The following TNFRSF9 variants were observed in gnomAD, a reference collection of about 807,000 sequenced individuals.
TNFRSF9 encodes TNF receptor superfamily member 9.
TNFRSF9 carries 16 observed loss-of-function variants against 28.8 expected under a neutral mutation model. The observed-to-expected ratio is 0.55, with a 90% CI of 0.38 to 0.84. The LOEUF is 0.84. TNFRSF9 is among the 40% of genes least tolerant of loss of function. The pLI is 0.00. For synonymous variants in TNFRSF9, 131 were observed against 117.0 expected, an observed-to-expected ratio of 1.12 and a Z score of -0.77; for missense variants, 303 against 315.0, an observed-to-expected ratio of 0.96 and a Z score of 0.29.
In TNFRSF9 at chr1:7,916,310, G is replaced by A. The variant is rs906474651; in HGVS notation, c.*4525C>T. On this transcript the variant is annotated 3_prime_UTR_variant, in exon 8 of 8. Transcript: ENST00000377507. Reference sequence around the variant, plus strand: ...ACCCAGAAGGGGATCATTTTATTCTGTCTCAATGTTCCTTCCTTATTAATT... The same window carrying A: ...ACCCAGAAGGGGATCATTTTATTCTATCTCAATGTTCCTTCCTTATTAATT... 3.9e-5 allele frequency: 6 copies of A among 152,158 alleles called. No homozygotes were observed. The highest frequency in any genetic ancestry group is 8.8e-5 in the Non-Finnish European group (6 of 68,026). 9.4% of individuals were successfully genotyped at this position (152,158 alleles called of 1,614,324 possible).
chr1:7,937,091 C>T (rs1225706797), intron 5 of TNFRSF9, among the ~76,000 whole-genome samples: 1 of 152,200 alleles, frequency 6.6e-6, no homozygotes, highest in Non-Finnish European at 1.5e-5. Context: ...TGGAGACAGG[C>T]TGATCAATGA....
intron 7 of TNFRSF9, among the ~76,000 whole-genome samples, chr1:7,929,158 C>CTTTTTTT (rs1557427289): frequency 1.8e-5 from 1 of 56,334 alleles, no homozygotes; most frequent in African/African-American, 1.4e-4. Context: ...TTTCTTTTTC[C>CTTTTTTT]TTTTTTTTTT....
chr1:7,933,078 G>T, intron 7 of TNFRSF9, 84 bp downstream of exon 7: 2 of 1,495,092 alleles, frequency 1.3e-6, no homozygotes, highest in East Asian at 2.4e-5. Flanking sequence ...CTCATTTCTA[G>T]AATTTTTTTT....
At chr1:7,937,078 A>G (rs1182526717) in intron 5 of TNFRSF9, among the ~76,000 whole-genome samples, 1 of 152,248 alleles carries the variant, frequency 6.6e-6, no homozygotes. Context: ...GGCATTGAAC[A>G]CATGGAGACA....
intron 7 of TNFRSF9, among the ~76,000 whole-genome samples, chr1:7,924,139 C>G (rs2151412484): frequency 6.6e-6 from 1 of 151,960 alleles, no homozygotes; most frequent in South Asian, 2.1e-4. Flanking sequence ...TGTGGTGATA[C>G]TGATGTAAAA....
chr1:7,923,843 T>TA (rs1469410210), intron 7 of TNFRSF9, among the ~76,000 whole-genome samples: 1 of 152,084 alleles, frequency 6.6e-6, no homozygotes, highest in Non-Finnish European at 1.5e-5. Flanking sequence ...CCCTGACTTC[T>TA]AAAAAATTTT....
chr1:7,935,261 G>A (rs1400889061), intron 5 of TNFRSF9, 118 bp from the exon 6 acceptor site: 1 of 1,158,304 alleles, frequency 8.6e-7, no homozygotes, highest in Non-Finnish European at 1.2e-6. Context: ...ATATGGGTCT[G>A]GGTTCGAAAG....
rs1258895223 is a variant in TNFRSF9, at chr1:7,924,311, AT to A, written c.680-3389del. On this transcript the variant is annotated intron_variant, in intron 7 of 7. Coordinates refer to ENST00000377507, the MANE Select transcript of TNFRSF9 (RefSeq NM_001561.6). ...GTATATTCCATATATATATATATAT[AT>A]ATATATATATATATATATATATAAC... Among the ~76,000 whole-genome samples the A allele has an allele frequency of 1.5e-4, 16 of 106,522 alleles. 1 individual carries two copies. The East Asian group carries it at 2.6e-3, about 17-fold the overall frequency. 69.9% of individuals were successfully genotyped at this position (106,522 alleles called of 152,430 possible).
rs1460401830 is a variant in TNFRSF9 at position 7,937,542 on chromosome 1, C to A, written c.413+148G>T. The A allele has an allele frequency of 5.1e-6, 3 of 589,208 alleles. No homozygotes were observed. The African/African-American group carries it at 5.6e-5, about 11-fold the overall frequency. The allele number at this position is 589,208 out of a possible 1,614,324, so 36.5% of individuals were successfully genotyped here. The stretch of plus-strand genomic sequence containing the variant: ...CACTTTGCCTATTGAGTTGCTACGA[C>A]CTCACAGTGTTCCCACGCTGCCTAT... On this transcript the variant is annotated intron_variant, in intron 5 of 7. Coordinates refer to ENST00000377507, the MANE Select transcript of TNFRSF9 (RefSeq NM_001561.6).
At chr1:7,937,244 G>A (rs1381476073) in intron 5 of TNFRSF9, among the ~76,000 whole-genome samples, 1 of 152,156 alleles carries the variant, frequency 6.6e-6, no homozygotes, top group East Asian at 1.9e-4. Context: ...GCTCATTGCA[G>A]CCTCAACCTC....
At chr1:7,936,031 G>T (rs1159610574) in intron 5 of TNFRSF9, among the ~76,000 whole-genome samples, 1 of 151,966 alleles carries the variant, frequency 6.6e-6, no homozygotes, top group East Asian at 1.9e-4. Context: ...CCCCAAATCC[G>T]CCCGTCCTCC....
chr1:7,922,033 C>T (rs888286104), intron 7 of TNFRSF9: 1 of 152,156 alleles, frequency 6.6e-6, no homozygotes, highest in African/African-American at 2.4e-5. Context: ...TGTTAGGAAC[C>T]AAGAACCGAT....
rs1491412920 is a variant in TNFRSF9, at chr1:7,917,954, GGA to G, written c.*2879_*2880del. On this transcript the variant is annotated 3_prime_UTR_variant, in exon 8 of 8. Transcript: ENST00000377507. Reference sequence around the variant, plus strand: ...TAAAAAGGGAAAAATAAATTACAAAGGATATATATATATATATATATAGATAT... The same window carrying G: ...TAAAAAGGGAAAAATAAATTACAAAGTATATATATATATATATATAGATAT... The G allele has an allele frequency of 1.7e-5, 2 of 118,682 alleles. No individual in the cohort carries two copies. The highest frequency in any genetic ancestry group is 7.9e-5 in the African/African-American group (2 of 25,390). The allele number at this position is 118,682 out of a possible 1,614,324, so 7.4% of individuals were successfully genotyped here.
intron 7 of TNFRSF9, among the ~76,000 whole-genome samples, chr1:7,931,759 A>T (rs964927718): frequency 5.3e-5 from 8 of 152,262 alleles, no homozygotes; most frequent in Non-Finnish European, 1.0e-4. Flanking sequence ...TAAACTTTAC[A>T]TTTATGCATT....
chr1:7,920,603 G>A lies in TNFRSF9; in HGVS notation c.*232C>T. 2.2e-6 allele frequency: 1 copy of A among 445,206 alleles called. No homozygotes were observed. The highest frequency in any genetic ancestry group is 4.1e-6 in the Non-Finnish European group (1 of 246,082). The allele number at this position is 445,206 out of a possible 1,614,324, so 27.6% of individuals were successfully genotyped here. A position where few individuals can be genotyped will look rare whatever the true frequency, so the allele number is the denominator to read the frequency against. ...GAGGTCAAGGCTGCAGAGAGCCATG[G>A]TGGTGCCACTGCACTCCAGCCTGGG... On this transcript the variant is annotated 3_prime_UTR_variant, in exon 8 of 8. Coordinates refer to ENST00000377507, the MANE Select transcript of TNFRSF9 (RefSeq NM_001561.6).
In TNFRSF9 at chr1:7,918,450, C is replaced by G. The variant is rs1373313386; in HGVS notation, c.*2385G>C. On this transcript the variant is annotated 3_prime_UTR_variant, in exon 8 of 8. Transcript: ENST00000377507. ...CTGAAGTGTAGTGATGCGGTCCCAGCTCACTGCAACCTCTGCCTCCCAGGC... is the reference window on the plus strand; with the variant it reads ...CTGAAGTGTAGTGATGCGGTCCCAGGTCACTGCAACCTCTGCCTCCCAGGC... 1 of 152,154 alleles carries G rather than the reference C, an allele frequency of 6.6e-6. No individual in the cohort carries two copies. Among genetic ancestry groups the G allele is most frequent in the African/African-American group, 2.4e-5 (1 of 41,428 alleles). The allele number at this position is 152,154 out of a possible 1,614,324, so 9.4% of individuals were successfully genotyped here.
intron 7 of TNFRSF9, among the ~76,000 whole-genome samples, chr1:7,927,227 C>T (rs2151414173): frequency 6.6e-6 from 1 of 152,286 alleles, no homozygotes; most frequent in East Asian, 1.9e-4. Context: ...CTGAGGGACG[C>T]TACTCCCTGG....
At chr1:7,936,208 G>A (rs1639814023) in intron 5 of TNFRSF9, among the ~76,000 whole-genome samples, 1 of 152,112 alleles carries the variant, frequency 6.6e-6, no homozygotes, top group East Asian at 1.9e-4. Flanking sequence ...TTGAGGTCAG[G>A]AGTGCGAGAC....
intron 7 of TNFRSF9, among the ~76,000 whole-genome samples, chr1:7,927,356 G>A (rs908620359): frequency 2.6e-5 from 4 of 152,154 alleles, no homozygotes; most frequent in African/African-American, 7.2e-5. Flanking sequence ...AATCATCCCC[G>A]CTTTCTCACT....
Sources: allele counts gnomAD v4.1 joint callset (sites outside exome capture counted in the v4.1 genomes callset), GRCh38; gene constraint gnomAD v4.1.1; transcripts MANE v1.5; gene names NCBI Gene and HGNC (gene_info 2026-07-23, HGNC 2026-07-21).